Variants in CYFIP2 observed in about 807,000 individuals in gnomAD.
The protein encoded by CYFIP2 is cytoplasmic FMR1 interacting protein 2, also known as cytoplasmic FMR1-interacting protein 2.
Under a neutral mutation model 158.7 loss-of-function variants are expected in CYFIP2, and 29 were observed. The observed-to-expected ratio is 0.18, with a 90% CI of 0.14 to 0.25. The LOEUF (loss-of-function observed/expected upper bound fraction) is 0.25. Among genes scored for constraint, CYFIP2 ranks in the 10% least tolerant of loss-of-function variants. The probability of loss-of-function intolerance (pLI) is 1.00; values close to 1 mark genes in which losing one functional copy is unlikely to be tolerated. For synonymous variants in CYFIP2, 585 were observed against 617.6 expected (o/e 0.95, Z 0.78); for missense variants, 852 against 1,639.5 (o/e 0.52, Z 8.29).
At chr5:157,309,697 C>T in intron 9 of CYFIP2, 46 bp from the exon 10 acceptor site, 1 of 1,549,664 alleles carries the variant, frequency 6.5e-7, no homozygotes, top group Non-Finnish European at 8.8e-7. Flanking sequence ...GCAGCCACCC[C>T]AACCCCTCCT....
At chr5:157,368,916 T>A (rs1475602468) in intron 26 of CYFIP2, among the ~76,000 whole-genome samples, 41 of 146,282 alleles carry the variant, frequency 2.8e-4, no homozygotes, top group Non-Finnish European at 5.8e-4. Context: ...TTTTTTTTTT[T>A]GAGACAGAGT....
At position 157,311,355 on chromosome 5, in the gene CYFIP2, T is replaced by C. The variant is rs1759704629; in HGVS notation, c.993-309T>C. 2.6e-5 allele frequency: 11 copies of C among 419,684 alleles called. No individual in the cohort carries two copies. The highest frequency in any genetic ancestry group is 2.3e-4 in the South Asian group (11 of 47,168). 26.0% of individuals were successfully genotyped at this position (419,684 alleles called of 1,614,324 possible). On this transcript the variant is annotated intron_variant, in intron 10 of 30. Coordinates refer to ENST00000620254, the MANE Select transcript of CYFIP2 (RefSeq NM_001037333.3). The surrounding 1 kb of genome is among the most constrained non-coding windows in gnomAD (Gnocchi z 4.7). ...GTGCTCAGATTCCATCCCTTTGTAG[T>C]CCTAGAGAGGCTGTGTTCCCGCCCC...
chr5:157,290,210 T>G (rs961858966), intron 3 of CYFIP2, among the ~76,000 whole-genome samples: 2 of 152,214 alleles, frequency 1.3e-5, no homozygotes, highest in African/African-American at 4.8e-5. Context: ...GAACACTGAT[T>G]TATTTGCTTA....
intron 26 of CYFIP2, among the ~76,000 whole-genome samples, chr5:157,372,300 TTTAAGGCTGAAGTGACTCAA>T (rs1765066188): frequency 6.6e-6 from 1 of 152,194 alleles, no homozygotes; most frequent in South Asian, 2.1e-4. Context: ...TGCTTAGGTA[TTTAAGGCTGAAGTGACTCAA>T]TGTCTTCCAT....
chr5:157,382,578 C>T lies in CYFIP2; in HGVS notation c.3040-12C>T. ...AAAATTGTTTTCTCTTTCTTTACCC[C>T]CATCTCTGCAGTCTCAGGAGGAGGT... On this transcript the variant is annotated splice_polypyrimidine_tract_variant and intron_variant, in intron 26 of 30. Coordinates refer to ENST00000620254, the MANE Select transcript of CYFIP2 (RefSeq NM_001037333.3). The T allele has an allele frequency of 6.2e-7, 1 of 1,613,808 alleles. No individual in the cohort carries two copies. The highest frequency in any genetic ancestry group is 8.5e-7 in the Non-Finnish European group (1 of 1,179,738).
chr5:157,364,622 G>C (rs1448620705), intron 26 of CYFIP2: 1 of 152,304 alleles, frequency 6.6e-6, no homozygotes. Context: ...GTCGGGGAAG[G>C]ATGGGGAACA....
chr5:157,359,321 T>C (rs1342120689), intron 24 of CYFIP2, among the ~76,000 whole-genome samples, 173 bp downstream of exon 24: 2 of 152,218 alleles, frequency 1.3e-5, no homozygotes, highest in Non-Finnish European at 2.9e-5. Context: ...GTCTTACCTA[T>C]CATTCTGTTA....
chr5:157,393,065 A>AG lies in CYFIP2; in HGVS notation c.*66dup. ...AAGCAGGAGAGAGAAAGCCACAGCC[A>AG]GCCTGCCATAGGATCCAACTGGACA... On this transcript the variant is annotated 3_prime_UTR_variant, in exon 31 of 31. Coordinates refer to ENST00000620254, the MANE Select transcript of CYFIP2 (RefSeq NM_001037333.3). 3 of 1,571,782 alleles carry AG rather than the reference A, an allele frequency of 1.9e-6. No homozygotes were observed. Among genetic ancestry groups the AG allele is most frequent in the Non-Finnish European group, 1.7e-6 (2 of 1,157,964 alleles).
At chr5:157,277,880 C>T (rs1756688898) in intron 1 of CYFIP2, among the ~76,000 whole-genome samples, 1 of 152,154 alleles carries the variant, frequency 6.6e-6, no homozygotes. Flanking sequence ...CTACTACACA[C>T]CTAGGCTATA....
chr5:157,292,941 A>G (rs1757943696), intron 3 of CYFIP2, among the ~76,000 whole-genome samples: 1 of 152,008 alleles, frequency 6.6e-6, no homozygotes, highest in African/African-American at 2.4e-5. Flanking sequence ...CTAAGTGGAG[A>G]ATTTTAGGAT....
At chr5:157,307,247 A>G (rs1176855952) in intron 8 of CYFIP2, among the ~76,000 whole-genome samples, 1 of 152,220 alleles carries the variant, frequency 6.6e-6, no homozygotes, top group Non-Finnish European at 1.5e-5. Context: ...CTGTTCAAGT[A>G]TTCATCAGAT....
At chr5:157,272,318 A>C (rs1166994891) in intron 1 of CYFIP2, among the ~76,000 whole-genome samples, 1 of 152,210 alleles carries the variant, frequency 6.6e-6, no homozygotes, top group African/African-American at 2.4e-5. Flanking sequence ...GGACTGAAAC[A>C]ACAAAGACCA....
At chr5:157,305,494 C>T (rs1429917013) in intron 8 of CYFIP2, among the ~76,000 whole-genome samples, 1 of 152,220 alleles carries the variant, frequency 6.6e-6, no homozygotes, top group Admixed American at 6.5e-5. Context: ...ACAATCTCTT[C>T]ACCAAGAGTT....
intron 5 of CYFIP2, 63 bp from the exon 6 acceptor site, chr5:157,300,652 A>G: frequency 7.5e-7 from 1 of 1,330,890 alleles, no homozygotes; most frequent in Non-Finnish European, 9.7e-7. Flanking sequence ...GCCCTAGAGG[A>G]GCCTGGACCC....
intron 2 of CYFIP2, among the ~76,000 whole-genome samples, chr5:157,286,108 T>C (rs866171301): frequency 2.6e-5 from 4 of 152,180 alleles, no homozygotes; most frequent in Non-Finnish European, 5.9e-5. Context: ...AGACTAAATA[T>C]AAATACATAA....
chr5:157,283,427 A>G (rs1201783984), intron 1 of CYFIP2, among the ~76,000 whole-genome samples: 1 of 152,028 alleles, frequency 6.6e-6, no homozygotes, highest in East Asian at 1.9e-4. Context: ...TGTAAGAAGG[A>G]AGACAGTCTT....
At chr5:157,381,780 G>C (rs994771256) in intron 26 of CYFIP2, among the ~76,000 whole-genome samples, 1 of 152,168 alleles carries the variant, frequency 6.6e-6, no homozygotes, top group Admixed American at 6.5e-5. Context: ...CTGCAATCTT[G>C]ATTTTCTCAG....
At chr5:157,283,516 G>T (rs1757148829) in intron 1 of CYFIP2, among the ~76,000 whole-genome samples, 1 of 152,160 alleles carries the variant, frequency 6.6e-6, no homozygotes, top group Admixed American at 6.5e-5. Flanking sequence ...TTGTGGGGGA[G>T]AGAAGAGGAA....
At chr5:157,386,220 T>C (rs1180217484) in intron 28 of CYFIP2, among the ~76,000 whole-genome samples, 2 of 152,216 alleles carry the variant, frequency 1.3e-5, no homozygotes, top group African/African-American at 4.8e-5. Flanking sequence ...AATGGAATAA[T>C]TTTATTATTA....
Sources: allele counts gnomAD v4.1 joint callset (sites outside exome capture counted in the v4.1 genomes callset), GRCh38; gene constraint gnomAD v4.1.1; non-coding constraint Gnocchi (gnomAD v3.1); transcripts MANE v1.5; gene names NCBI Gene and HGNC (gene_info 2026-07-23, HGNC 2026-07-21).